Variants in TADA2A observed in about 807,000 individuals in gnomAD.
TADA2A encodes the protein transcriptional adaptor 2A.
In TADA2A, 38 loss-of-function variants were observed where a neutral mutation model predicts 67.4. That is an observed-to-expected ratio of 0.56 (90% CI 0.44 to 0.74). The LOEUF (loss-of-function observed/expected upper bound fraction) is 0.74, where lower values mean the gene tolerates loss of function less well. Among genes scored for constraint, TADA2A ranks in the 30% least tolerant of loss-of-function variants. The pLI, the probability that TADA2A is intolerant of heterozygous loss-of-function variation, is 0.00. For missense variants in TADA2A, 454 were observed against 547.0 expected (o/e 0.83, Z 1.70); for synonymous variants, 192 against 181.6 (o/e 1.06, Z -0.46).
At chr17:37,407,680 G>GCGGCTCACTGCAATCTC in intron 1 of TADA2A, among the ~76,000 whole-genome samples, 1 of 151,270 alleles carries the variant, frequency 6.6e-6, no homozygotes, top group Non-Finnish European at 1.5e-5. Context: ...TGGCACGATC[G>GCGGCTCACTGCAATCTC]CGGCTCACTG....
chr17:37,468,020 TGTA>T (rs1418850717), intron 12 of TADA2A, among the ~76,000 whole-genome samples: 1 of 151,838 alleles, frequency 6.6e-6, no homozygotes, highest in Non-Finnish European at 1.5e-5. Flanking sequence ...AAGCAGTTGT[TGTA>T]GTGAGCCAAG....
Position 37,437,667 on chromosome 17 carries a change from G to A in TADA2A, c.193-71G>A, listed in dbSNP as rs1388216442. ...CTTCCAAAGTGCTGGGAGTATAGGCGTGAGCCACCGTGCCTGGCCCCTAGA... is the reference window on the plus strand; with the variant it reads ...CTTCCAAAGTGCTGGGAGTATAGGCATGAGCCACCGTGCCTGGCCCCTAGA... On this transcript the variant is annotated intron_variant, in intron 4 of 15. Coordinates refer to ENST00000615182, the MANE Select transcript of TADA2A (RefSeq NM_001166105.3). 26 of 1,399,664 alleles carry A rather than the reference G, an allele frequency of 1.9e-5. No homozygotes were observed. The African/African-American group carries it at 2.1e-4, about 11-fold the overall frequency. 86.7% of individuals were successfully genotyped at this position (1,399,664 alleles called of 1,614,324 possible).
At chr17:37,444,366 C>T (rs1265323195) in intron 7 of TADA2A, among the ~76,000 whole-genome samples, 1 of 151,750 alleles carries the variant, frequency 6.6e-6, no homozygotes. Context: ...GTGATTTTTC[C>T]ACCTAAATCT....
chr17:37,421,384 C>T (rs2052227045), intron 2 of TADA2A, among the ~76,000 whole-genome samples: 1 of 133,288 alleles, frequency 7.5e-6, no homozygotes. Flanking sequence ...CTCAAGAAGA[C>T]TCTGTCTCAA....
intron 12 of TADA2A, 143 bp downstream of exon 12, chr17:37,467,668 T>TAAA: frequency 1.5e-6 from 1 of 681,804 alleles, no homozygotes; most frequent in South Asian, 2.1e-5. Context: ...AGTAAAGTTT[T>TAAA]GGCTATTTAA....
rs144227944 is a variant in TADA2A at position 37,442,960 on chromosome 17, C to T, written c.531+308C>T. ...GGAGGATCGCTTGAGTCCAGGTGTT[C>T]GAGACTAGCCTGGGCAACGTAGTGA... On this transcript the variant is annotated intron_variant, in intron 7 of 15. Transcript: ENST00000615182. Among the ~76,000 whole-genome samples the T allele has an allele frequency of 3.7e-3, 563 of 152,098 alleles. 4 individuals carry two copies. Among genetic ancestry groups the T allele is most frequent in the African/African-American group, 0.013 (542 of 41,480 alleles).
chr17:37,423,686 T>C (rs748540811), intron 3 of TADA2A, 71 bp downstream of exon 3: 466 of 1,113,568 alleles, frequency 4.2e-4, no homozygotes, highest in Non-Finnish European at 5.5e-4. Flanking sequence ...TTTCGGAGAT[T>C]ACTGTCAACT....
At chr17:37,408,854 G>C (rs2051763436) in intron 1 of TADA2A, among the ~76,000 whole-genome samples, 1 of 152,184 alleles carries the variant, frequency 6.6e-6, no homozygotes, top group Non-Finnish European at 1.5e-5. Flanking sequence ...AAAAGGGAAA[G>C]TTCTTTGATG....
intron 4 of TADA2A, among the ~76,000 whole-genome samples, chr17:37,434,576 G>A (rs2052665874): frequency 6.6e-6 from 1 of 152,186 alleles, no homozygotes; most frequent in African/African-American, 2.4e-5. Context: ...TAAATTAGTA[G>A]TTACATTTAA....
In TADA2A at chr17:37,425,546, A is replaced by G. The variant is rs527258892; in HGVS notation, c.133-1404A>G. Among the ~76,000 whole-genome samples, 14 of 152,346 alleles carry G rather than the reference A, an allele frequency of 9.2e-5. No individual in the cohort carries two copies. In the South Asian group the frequency reaches 2.9e-3, roughly 32 times the overall value. On this transcript the variant is annotated intron_variant, in intron 3 of 15. Transcript: ENST00000615182. ...CATATTTTATCAGATCTAAGACACC[A>G]TTGATTATAAGAAGCACCTCAATTT...
Position 37,477,108 on chromosome 17 carries a change from A to C in TADA2A, c.*126A>C. ...TCATGGTGAAAACAGGGGAAAGGAC[A>C]AAGGAAACCTTAAGTTGTATTGTCT... On this transcript the variant is annotated 3_prime_UTR_variant, in exon 16 of 16. Coordinates refer to ENST00000615182, the MANE Select transcript of TADA2A (RefSeq NM_001166105.3). The C allele has an allele frequency of 1.0e-6, 1 of 983,488 alleles. No homozygotes were observed. 60.9% of individuals were successfully genotyped at this position (983,488 alleles called of 1,614,324 possible).
At chr17:37,474,911 A>G (rs2053862006) in intron 15 of TADA2A, among the ~76,000 whole-genome samples, 1 of 152,178 alleles carries the variant, frequency 6.6e-6, no homozygotes, top group East Asian at 1.9e-4. Flanking sequence ...AGCACTTACC[A>G]TGTGCTACTC....
rs1239950627 is a variant in TADA2A at position 37,446,101 on chromosome 17, GGGT to G, written c.604+1334_604+1336del. ...TTGAGCGGTGGGTTTTTTTTTGGGG[GGGT>G]TTTTTTTTTTTTTTTGGCAACATTT... On this transcript the variant is annotated intron_variant, in intron 8 of 15. Coordinates refer to ENST00000615182, the MANE Select transcript of TADA2A (RefSeq NM_001166105.3). 2.6e-3 allele frequency among the ~76,000 whole-genome samples: 328 copies of G among 127,800 alleles called. 1 individual carries two copies. Among genetic ancestry groups the G allele is most frequent in the African/African-American group, 9.6e-3 (294 of 30,546 alleles). The allele number at this position is 127,800 out of a possible 152,430, so 83.8% of individuals were successfully genotyped here.
chr17:37,423,087 C>T (rs886810211), intron 2 of TADA2A, among the ~76,000 whole-genome samples: 3 of 152,024 alleles, frequency 2.0e-5, no homozygotes, highest in Non-Finnish European at 4.4e-5. Context: ...AAAAATTAAC[C>T]AGGTGTGGTG....
intron 8 of TADA2A, among the ~76,000 whole-genome samples, chr17:37,452,708 T>G (rs1167752566): frequency 6.6e-6 from 1 of 152,094 alleles, no homozygotes; most frequent in African/African-American, 2.4e-5. Context: ...TTCTATGATA[T>G]CTGGACTTTT....
intron 13 of TADA2A, 104 bp from the exon 14 acceptor site, chr17:37,470,990 C>A: frequency 9.1e-7 from 1 of 1,095,954 alleles, no homozygotes; most frequent in Non-Finnish European, 1.4e-6. Flanking sequence ...CATTACACTT[C>A]TTCAAGGTGA....
At chr17:37,430,001 C>T (rs992160657) in intron 4 of TADA2A, among the ~76,000 whole-genome samples, 8 of 152,160 alleles carry the variant, frequency 5.3e-5, no homozygotes, top group Admixed American at 3.3e-4. Context: ...TGCGAGAATA[C>T]CTAGAGCCAG....
chr17:37,439,704 G>A (rs1365614212), intron 5 of TADA2A, among the ~76,000 whole-genome samples: 3 of 152,112 alleles, frequency 2.0e-5, no homozygotes, highest in Non-Finnish European at 4.4e-5. Context: ...TGTTGTGAAT[G>A]TTTCTAGCTC....
At chr17:37,439,540 CCCAAA>C (rs1299859325) in intron 5 of TADA2A, among the ~76,000 whole-genome samples, 4 of 152,138 alleles carry the variant, frequency 2.6e-5, no homozygotes, top group Admixed American at 2.6e-4. Flanking sequence ...ACCTTGGCCT[CCCAAA>C]GTGCTGGAAT....
Sources: allele counts gnomAD v4.1 joint callset (sites outside exome capture counted in the v4.1 genomes callset), GRCh38; gene constraint gnomAD v4.1.1; transcripts MANE v1.5; gene names NCBI Gene and HGNC (gene_info 2026-07-23, HGNC 2026-07-21).